Variants in SPSB1 observed in about 807,000 individuals in gnomAD.
SPSB1 encodes splA/ryanodine receptor domain and SOCS box containing 1.
SPSB1 carries 8 observed loss-of-function variants against 21.2 expected under a neutral mutation model. The ratio of observed to expected loss-of-function variants is 0.38; its 90% confidence interval spans 0.22 to 0.68. SPSB1 has a LOEUF of 0.68. Among genes scored for constraint, SPSB1 ranks in the 30% least tolerant of loss-of-function variants. The pLI is 0.53. For missense variants in SPSB1, 242 were observed against 377.8 expected (o/e 0.64, Z 2.98); for synonymous variants, 169 against 161.7 (o/e 1.05, Z -0.34).
In SPSB1 at chr1:9,356,255, G is replaced by GC; in HGVS notation, c.370dup (p.Leu124ProfsTer13). On this transcript the variant is annotated frameshift_variant, in exon 2 of 3. Transcript: ENST00000328089. LOFTEE classifies it high-confidence loss of function. This position sits in a 1 kb window ranked among gnomAD's most constrained non-coding sequence, Gnocchi z 7.4. ...CGTGGTGGGGGTGGCGACGGCAGAC[G>GC]CCCCCCTGCACTCTGTCGGGTACAC... 2 of 1,609,190 alleles carry GC rather than the reference G, an allele frequency of 1.2e-6. No homozygotes were observed. The highest frequency in any genetic ancestry group is 1.7e-6 in the Non-Finnish European group (2 of 1,176,934).
At chr1:9,326,308 C>T (rs1306679197) in intron 1 of SPSB1, among the ~76,000 whole-genome samples, 2 of 152,170 alleles carry the variant, frequency 1.3e-5, no homozygotes, top group African/African-American at 2.4e-5. Flanking sequence ...TCCTCAGTCT[C>T]CCTGCGCACT....
At chr1:9,304,532 A>G (rs563314563) in intron 1 of SPSB1, among the ~76,000 whole-genome samples, 68 of 152,340 alleles carry the variant, frequency 4.5e-4, no homozygotes, top group Admixed American at 8.5e-4. Context: ...CTGACCTGCC[A>G]GTTGGGATGG....
intron 1 of SPSB1, among the ~76,000 whole-genome samples, chr1:9,352,500 G>C (rs773094043): frequency 1.3e-5 from 2 of 152,164 alleles, no homozygotes; most frequent in Non-Finnish European, 2.9e-5. Flanking sequence ...GGCTGCTTTT[G>C]TGCGACAACA....
Position 9,305,774 on chromosome 1 carries a change from C to T in SPSB1, c.-150+12703C>T, listed in dbSNP as rs1347286663. On this transcript the variant is annotated intron_variant, in intron 1 of 2. Transcript: ENST00000328089. This position sits in a 1 kb window ranked among gnomAD's most constrained non-coding sequence, Gnocchi z 4.8. ...TTTGCTGAGCACCTACTGTATGCAG[C>T]CAGTCTGCTGGGGCCGAGGATACAA... 1.3e-5 allele frequency among the ~76,000 whole-genome samples: 2 copies of T among 152,202 alleles called. No homozygotes were observed.
intron 2 of SPSB1, among the ~76,000 whole-genome samples, chr1:9,360,319 C>T (rs1044146837): frequency 3.3e-5 from 5 of 152,158 alleles, no homozygotes; most frequent in South Asian, 2.1e-4. Flanking sequence ...GGCTGAGAAC[C>T]GTCCATCAGC....
intron 1 of SPSB1, among the ~76,000 whole-genome samples, chr1:9,299,963 C>CAAA (rs549304734): frequency 3.4e-5 from 3 of 88,338 alleles, no homozygotes; most frequent in African/African-American, 3.6e-5. Flanking sequence ...GACCCTGTCT[C>CAAA]AAAAAAAAAA....
chr1:9,357,239 GGATAAATGAACAGGTGGATGAGTGGGTA>G, intron 2 of SPSB1, among the ~76,000 whole-genome samples: 1 of 151,642 alleles, frequency 6.6e-6, no homozygotes, highest in East Asian at 2.0e-4. Flanking sequence ...ATGGATGGAT[GGATAAATGAACAGGTGGATGAGTGGGTA>G]GATGGATGGA....
Position 9,317,772 on chromosome 1 carries a change from C to T in SPSB1, c.-150+24701C>T, listed in dbSNP as rs1017532869. ...TGTTGGGATTACAGGCGTGAGTCAC[C>T]GTGCCTGGCCAGAAAAGACAGTTTC... On this transcript the variant is annotated intron_variant, in intron 1 of 2. Transcript: ENST00000328089. This position sits in a 1 kb window ranked among gnomAD's most constrained non-coding sequence, Gnocchi z 4.3. Among the ~76,000 whole-genome samples, 2 of 152,032 alleles carry T rather than the reference C, an allele frequency of 1.3e-5. No homozygotes were observed. The highest frequency in any genetic ancestry group is 4.8e-5 in the African/African-American group (2 of 41,394).
intron 2 of SPSB1, among the ~76,000 whole-genome samples, chr1:9,362,617 C>G (rs1640499921): frequency 6.6e-6 from 1 of 152,190 alleles, no homozygotes; most frequent in Non-Finnish European, 1.5e-5. Context: ...TTCTGCAGCT[C>G]GTTCACTCAG....
chr1:9,345,004 A>G lies in SPSB1; in HGVS notation c.-149-10739A>G, dbSNP rs1029595979. Among the ~76,000 whole-genome samples the G allele has an allele frequency of 6.6e-6, 1 of 152,240 alleles. No individual in the cohort carries two copies. Among genetic ancestry groups the G allele is most frequent in the South Asian group, 2.1e-4 (1 of 4,824 alleles). On this transcript the variant is annotated intron_variant, in intron 1 of 2. Coordinates refer to ENST00000328089, the MANE Select transcript of SPSB1 (RefSeq NM_025106.4). The surrounding 1 kb of genome is among the most constrained non-coding windows in gnomAD (Gnocchi z 4.8). ...AAGCCTGGGTTTGGTCGGATCCCCT[A>G]TGTCCAAGAGACTGCCTTGTTGGGG...
chr1:9,338,759 G>A (rs1250830004), intron 1 of SPSB1, among the ~76,000 whole-genome samples: 1 of 152,208 alleles, frequency 6.6e-6, no homozygotes, highest in Non-Finnish European at 1.5e-5. Context: ...CTTCGTGGCT[G>A]TGAAACGTGG....
intron 1 of SPSB1, among the ~76,000 whole-genome samples, chr1:9,340,627 G>A (rs1011853592): frequency 6.6e-6 from 1 of 152,232 alleles, no homozygotes; most frequent in Non-Finnish European, 1.5e-5. Flanking sequence ...GGCTGGGGAG[G>A]GTCCCCGCAG....
At chr1:9,316,016 T>A (rs1639607589) in intron 1 of SPSB1, among the ~76,000 whole-genome samples, 1 of 152,172 alleles carries the variant, frequency 6.6e-6, no homozygotes, top group Non-Finnish European at 1.5e-5. Context: ...AGGTGGAAAT[T>A]GCTTAGTCAT....
At chr1:9,351,954 T>TTACC (rs1640265284) in intron 1 of SPSB1, among the ~76,000 whole-genome samples, 1 of 152,094 alleles carries the variant, frequency 6.6e-6, no homozygotes, top group African/African-American at 2.4e-5. Context: ...GCAGGCCCCT[T>TTACC]TACCTGCCTG....
chr1:9,333,862 C>G (rs923822303), intron 1 of SPSB1, among the ~76,000 whole-genome samples: 12 of 152,174 alleles, frequency 7.9e-5, no homozygotes, highest in Admixed American at 3.3e-4. Context: ...GAAAACAGCT[C>G]AAGGTAGAGA....
rs571621187 is a variant in SPSB1, at chr1:9,334,178, C to T, written c.-149-21565C>T. On this transcript the variant is annotated intron_variant, in intron 1 of 2. Coordinates refer to ENST00000328089, the MANE Select transcript of SPSB1 (RefSeq NM_025106.4). ...TCGGCTCGTTGCAACTTCCGCCTCC[C>T]GGGCTCAAGCAATTCTCCTGCCTCA... Among the ~76,000 whole-genome samples, 56 of 152,192 alleles carry T rather than the reference C, an allele frequency of 3.7e-4. 1 individual carries two copies. Among genetic ancestry groups the T allele is most frequent in the African/African-American group, 1.3e-3 (52 of 41,512 alleles).
intron 1 of SPSB1, among the ~76,000 whole-genome samples, chr1:9,300,933 G>A (rs1639317702): frequency 6.6e-6 from 1 of 152,232 alleles, no homozygotes; most frequent in South Asian, 2.1e-4. Flanking sequence ...GCTACAGATG[G>A]CTCTGCACTA....
Position 9,356,525 on chromosome 1 carries a change from G to A in SPSB1, c.634G>A (p.Val212Ile), listed in dbSNP as rs1350609628. The change falls in exon 2 of 3, where the codon GTA (valine) becomes ATA (isoleucine). Residue 212 changes from valine (V) to isoleucine (I), a missense_variant. Transcript: ENST00000328089. This position sits in a 1 kb window ranked among gnomAD's most constrained non-coding sequence, Gnocchi z 7.4. ...RGLKGKKLYPVVSAVWGHCEI... is the reference protein window; with the variant it reads ...RGLKGKKLYPIVSAVWGHCEI... ...ACTCAAGGGCAAAAAACTGTATCCTGTAGTGAGTGCCGTCTGGGGCCACTG... is the reference window on the plus strand; with the variant it reads ...ACTCAAGGGCAAAAAACTGTATCCTATAGTGAGTGCCGTCTGGGGCCACTG... The A allele has an allele frequency of 6.2e-7, 1 of 1,609,858 alleles. No individual in the cohort carries two copies. Among genetic ancestry groups the A allele is most frequent in the African/African-American group, 1.3e-5 (1 of 74,860 alleles).
intron 1 of SPSB1, among the ~76,000 whole-genome samples, chr1:9,337,702 C>G: frequency 6.6e-6 from 1 of 152,156 alleles, no homozygotes; most frequent in South Asian, 2.1e-4. Flanking sequence ...CCCTGGCCAC[C>G]GGGGCCCTGA....
Sources: allele counts gnomAD v4.1 joint callset (sites outside exome capture counted in the v4.1 genomes callset), GRCh38; gene constraint gnomAD v4.1.1; non-coding constraint Gnocchi (gnomAD v3.1); transcripts MANE v1.5; gene names NCBI Gene and HGNC (gene_info 2026-07-23, HGNC 2026-07-21).